The following PCDHGA9 variants were observed in gnomAD, a reference collection of about 807,000 sequenced individuals.
The protein encoded by PCDHGA9 is protocadherin gamma subfamily A, 9.
In PCDHGA9, 37 loss-of-function variants were observed where a neutral mutation model predicts 62.5. The observed-to-expected ratio is 0.59, with a 90% CI of 0.46 to 0.78. The LOEUF (loss-of-function observed/expected upper bound fraction) is 0.78, where lower values mean the gene tolerates loss of function less well. Among genes scored for constraint, PCDHGA9 ranks in the 30% least tolerant of loss-of-function variants. The pLI is 0.00. For synonymous variants in PCDHGA9, 459 were observed against 484.6 expected, an observed-to-expected ratio of 0.95 and a Z score of 0.69; for missense variants, 1,138 against 1,166.2, an observed-to-expected ratio of 0.98 and a Z score of 0.35.
At chr5:141,449,280 C>G (rs934214922) in intron 1 of PCDHGA9, among the ~76,000 whole-genome samples, 1 of 151,944 alleles carries the variant, frequency 6.6e-6, no homozygotes, top group East Asian at 1.9e-4. Context: ...CTCCTTCACC[C>G]GGATGCACCG....
chr5:141,409,273 G>A, intron 1 of PCDHGA9: 1 of 1,613,958 alleles, frequency 6.2e-7, no homozygotes, highest in South Asian at 1.1e-5. Context: ...ATCAGATTTT[G>A]GAGAATTCAC....
chr5:141,424,504 G>A (rs1357608806), intron 1 of PCDHGA9: 2 of 152,134 alleles, frequency 1.3e-5, no homozygotes, highest in East Asian at 1.9e-4. Flanking sequence ...TGTATGGAAG[G>A]TTTTTTAATG....
chr5:141,431,190 A>G lies in PCDHGA9; in HGVS notation c.2424+25814A>G, dbSNP rs1363655439. 1 of 1,614,228 alleles carries G rather than the reference A, an allele frequency of 6.2e-7. No homozygotes were observed. Among genetic ancestry groups the G allele is most frequent in the Non-Finnish European group, 8.5e-7 (1 of 1,180,038 alleles). ...AGTGAATTAGAAATAAAAATTAGTGAAAATGCAGCCACTGAGATGCGGTTC... is the reference window on the plus strand; with the variant it reads ...AGTGAATTAGAAATAAAAATTAGTGGAAATGCAGCCACTGAGATGCGGTTC... On this transcript the variant is annotated intron_variant, in intron 1 of 3. Transcript: ENST00000573521. This position sits in a 1 kb window ranked among gnomAD's most constrained non-coding sequence, Gnocchi z 4.8.
At chr5:141,419,782 C>T (rs765128711) in intron 1 of PCDHGA9, 9 of 1,614,058 alleles carry the variant, frequency 5.6e-6, no homozygotes, top group Non-Finnish European at 7.6e-6. Flanking sequence ...TCCGCCAGCG[C>T]CTGCTAGTCG....
At position 141,489,800 on chromosome 5, in the gene PCDHGA9, A is replaced by T. The variant is rs2099692478; in HGVS notation, c.2425-5007A>T. 1 of 1,614,166 alleles carries T rather than the reference A, an allele frequency of 6.2e-7. No homozygotes were observed. Among genetic ancestry groups the T allele is most frequent in the Non-Finnish European group, 8.5e-7 (1 of 1,179,994 alleles). On this transcript the variant is annotated intron_variant, in intron 1 of 3. Coordinates refer to ENST00000573521, the MANE Select transcript of PCDHGA9 (RefSeq NM_018921.3). This position sits in a 1 kb window ranked among gnomAD's most constrained non-coding sequence, Gnocchi z 4.5. ...TCTCTGAATGTGAAGACCCTAAAAG[A>T]TGGGAAGCCATTCCCAGAGCTGGTG...
intron 1 of PCDHGA9, among the ~76,000 whole-genome samples, chr5:141,481,675 C>T (rs943204061): frequency 4.0e-5 from 6 of 151,490 alleles, no homozygotes; most frequent in Non-Finnish European, 5.9e-5. Context: ...AAAATCAGGC[C>T]GGGCCTGGTG....
intron 1 of PCDHGA9, chr5:141,414,940 G>C: frequency 7.4e-6 from 12 of 1,614,104 alleles, no homozygotes; most frequent in Non-Finnish European, 9.3e-6. Context: ...CGCAGAGCCC[G>C]GCTACCTGGT....
chr5:141,432,969 C>T lies in PCDHGA9; in HGVS notation c.2424+27593C>T, dbSNP rs754836894. On this transcript the variant is annotated intron_variant, in intron 1 of 3. Coordinates refer to ENST00000573521, the MANE Select transcript of PCDHGA9 (RefSeq NM_018921.3). The surrounding 1 kb of genome is among the most constrained non-coding windows in gnomAD (Gnocchi z 6.0). ...GGAGGCGGCTTGACAGGAGCGCCGG[C>T]GTCGCACTTTGTGGGCGTGGACGGG... The T allele has an allele frequency of 3.7e-6, 6 of 1,614,030 alleles. No individual in the cohort carries two copies. In the African/African-American group the frequency reaches 8.0e-5, roughly 22 times the overall value.
At chr5:141,422,463 C>T in intron 1 of PCDHGA9, 1 of 1,613,472 alleles carries the variant, frequency 6.2e-7, no homozygotes, top group African/African-American at 1.3e-5. Context: ...GAGTGCTGGA[C>T]AGGGAGTTGG....
At position 141,476,402 on chromosome 5, in the gene PCDHGA9, G is replaced by A. The variant is rs775511298; in HGVS notation, c.2425-18405G>A. The stretch of plus-strand genomic sequence containing the variant: ...TGTGAACGACCGTCTGGATCGAGAG[G>A]AGCTGTGTGGGACACTGCCCTCTTG... On this transcript the variant is annotated intron_variant, in intron 1 of 3. Coordinates refer to ENST00000573521, the MANE Select transcript of PCDHGA9 (RefSeq NM_018921.3). This position sits in a 1 kb window ranked among gnomAD's most constrained non-coding sequence, Gnocchi z 7.6. 9 of 1,613,992 alleles carry A rather than the reference G, an allele frequency of 5.6e-6. No individual in the cohort carries two copies. Among genetic ancestry groups the A allele is most frequent in the African/African-American group, 1.3e-5 (1 of 74,904 alleles).
chr5:141,492,829 C>T (rs2099744241), intron 1 of PCDHGA9, among the ~76,000 whole-genome samples: 1 of 152,232 alleles, frequency 6.6e-6, no homozygotes, highest in Non-Finnish European at 1.5e-5. Context: ...CGGCCCCTTC[C>T]TCCCGCAGGA....
chr5:141,423,440 C>T lies in PCDHGA9; in HGVS notation c.2424+18064C>T, dbSNP rs768389351. 27 of 1,613,852 alleles carry T rather than the reference C, an allele frequency of 1.7e-5. No individual in the cohort carries two copies. In the East Asian group the frequency reaches 4.5e-4, roughly 27 times the overall value. ...GAAGGCGGGTTGGCAGGTATGCCCACGTCACATTTTGTAGGCGTGGACGGG... is the reference window on the plus strand; with the variant it reads ...GAAGGCGGGTTGGCAGGTATGCCCATGTCACATTTTGTAGGCGTGGACGGG... On this transcript the variant is annotated intron_variant, in intron 1 of 3. Coordinates refer to ENST00000573521, the MANE Select transcript of PCDHGA9 (RefSeq NM_018921.3).
intron 1 of PCDHGA9, among the ~76,000 whole-genome samples, chr5:141,465,486 G>C (rs1221398075): frequency 6.6e-6 from 1 of 152,216 alleles, no homozygotes; most frequent in African/African-American, 2.4e-5. Flanking sequence ...TGAGAGGAAT[G>C]AGCGGGAGCA....
At position 141,421,915 on chromosome 5, in the gene PCDHGA9, C is replaced by T. The variant is rs751221129; in HGVS notation, c.2424+16539C>T. ...CATCCGAAAGGGCGCAGTTCCCATT[C>T]GTGTGGTGGTCCTCGATGTAAATGA... is the stretch of plus-strand genomic sequence containing the variant. On this transcript the variant is annotated intron_variant, in intron 1 of 3. Transcript: ENST00000573521. 18 of 1,613,504 alleles carry T rather than the reference C, an allele frequency of 1.1e-5. No individual in the cohort carries two copies. The South Asian group carries it at 1.5e-4, about 14-fold the overall frequency.
Position 141,491,739 on chromosome 5 carries a change from C to A in PCDHGA9, c.2425-3068C>A, listed in dbSNP as rs372183034. ...CGCCGCCCCGGGCGACCCCTGGGGG[C>A]GGCACTGGAGAAGCCGCCCGTCCTC... On this transcript the variant is annotated intron_variant, in intron 1 of 3. Transcript: ENST00000573521. The surrounding 1 kb of genome is among the most constrained non-coding windows in gnomAD (Gnocchi z 6.9). 2 of 1,598,886 alleles carry A rather than the reference C, an allele frequency of 1.3e-6. No individual in the cohort carries two copies. The highest frequency in any genetic ancestry group is 1.3e-5 in the African/African-American group (1 of 74,290).
intron 1 of PCDHGA9, among the ~76,000 whole-genome samples, chr5:141,473,267 C>G (rs1458810488): frequency 1.3e-5 from 2 of 152,248 alleles, no homozygotes; most frequent in African/African-American, 2.4e-5. Flanking sequence ...TTAGTGTATG[C>G]TATGATTATT....
rs369227893 is a variant in PCDHGA9, at chr5:141,419,063, T to A, written c.2424+13687T>A. 47 of 1,613,840 alleles carry A rather than the reference T, an allele frequency of 2.9e-5. No homozygotes were observed. The highest frequency in any genetic ancestry group is 4.0e-5 in the Non-Finnish European group (47 of 1,179,904). On this transcript the variant is annotated intron_variant, in intron 1 of 3. Coordinates refer to ENST00000573521, the MANE Select transcript of PCDHGA9 (RefSeq NM_018921.3). ...GATTCATTCTTCTTCTAATAATTACTACAAGCTAGTAACAGATGAGGCCCT... is the reference window on the plus strand; with the variant it reads ...GATTCATTCTTCTTCTAATAATTACAACAAGCTAGTAACAGATGAGGCCCT...
At position 141,476,792 on chromosome 5, in the gene PCDHGA9, G is replaced by T. The variant is rs376910320; in HGVS notation, c.2425-18015G>T. ...GGACGGAGGGACCCCAGCTCTCTCC[G>T]CCAGCCTGCCTATTCACATCAAGGT... On this transcript the variant is annotated intron_variant, in intron 1 of 3. Coordinates refer to ENST00000573521, the MANE Select transcript of PCDHGA9 (RefSeq NM_018921.3). The surrounding 1 kb of genome is among the most constrained non-coding windows in gnomAD (Gnocchi z 7.6). 4.3e-6 allele frequency: 7 copies of T among 1,612,720 alleles called. No individual in the cohort carries two copies. Among genetic ancestry groups the T allele is most frequent in the Non-Finnish European group, 5.1e-6 (6 of 1,179,958 alleles).
At chr5:141,408,885 T>C (rs1263835706) in intron 1 of PCDHGA9, 3 of 1,612,902 alleles carry the variant, frequency 1.9e-6, no homozygotes, top group East Asian at 2.2e-5. Flanking sequence ...ACCGCTCACA[T>C]AGAAATTTCT....
Sources: gnomAD v4.1 joint callset for allele counts (sites outside exome capture counted in the v4.1 genomes callset) on GRCh38, gnomAD v4.1.1 for gene constraint, Gnocchi (gnomAD v3.1) non-coding constraint, MANE v1.5 for transcripts, NCBI Gene and HGNC (gene_info 2026-07-23, HGNC 2026-07-21) for gene names.